The following GALNT14 variants were observed in gnomAD, a reference collection of about 807,000 sequenced individuals.
GALNT14 encodes the protein polypeptide N-acetylgalactosaminyltransferase 14.
GALNT14 carries 60 observed loss-of-function variants against 77.5 expected under a neutral mutation model. The observed-to-expected ratio is 0.77, with a 90% CI of 0.63 to 0.96. The LOEUF (loss-of-function observed/expected upper bound fraction) is 0.96. Ranked by LOEUF, GALNT14 falls within the 40% of genes least tolerant of loss-of-function variation. The pLI is 0.00. For synonymous variants in GALNT14, 280 were observed against 281.7 expected (o/e 0.99, Z 0.06); for missense variants, 710 against 731.0 (o/e 0.97, Z 0.33).
chr2:30,919,693 G>A (rs1664917657), intron 13 of GALNT14, among the ~76,000 whole-genome samples: 1 of 152,202 alleles, frequency 6.6e-6, no homozygotes, highest in Non-Finnish European at 1.5e-5. Flanking sequence ...GTCCTCTGAG[G>A]GTAGACTATA....
intron 1 of GALNT14, among the ~76,000 whole-genome samples, chr2:31,052,206 A>G (rs1673916080): frequency 6.6e-6 from 1 of 152,054 alleles, no homozygotes; most frequent in African/African-American, 2.4e-5. Flanking sequence ...CTCTAAGCTG[A>G]CCTAGGGGTC....
chr2:30,981,143 G>GC (rs1668965725), intron 2 of GALNT14, among the ~76,000 whole-genome samples: 1 of 152,200 alleles, frequency 6.6e-6, no homozygotes, highest in South Asian at 2.1e-4. Flanking sequence ...CCAGCACAGA[G>GC]CCTCCTTGAA....
chr2:31,124,885 A>G (rs776530037), intron 1 of GALNT14, among the ~76,000 whole-genome samples: 1 of 152,170 alleles, frequency 6.6e-6, no homozygotes, highest in Admixed American at 6.5e-5. Flanking sequence ...CTCCCCTGGA[A>G]GCCTCTTCTT....
intron 1 of GALNT14, among the ~76,000 whole-genome samples, chr2:31,039,958 A>G (rs1165396032): frequency 5.3e-5 from 8 of 152,218 alleles, no homozygotes; most frequent in Non-Finnish European, 1.0e-4. Flanking sequence ...TTCTAATAAG[A>G]GAGTCATGAA....
chr2:30,988,817 G>A (rs1418057766), intron 2 of GALNT14, among the ~76,000 whole-genome samples: 4 of 152,194 alleles, frequency 2.6e-5, no homozygotes, highest in Non-Finnish European at 5.9e-5. Context: ...GTAGTTCTGG[G>A]TGAAACCTAA....
rs1573211471 is a variant in GALNT14 at position 31,035,659 on chromosome 2, T to A, written c.130-42652A>T. ...CACACACACACACACACACACACAC[T>A]ATGGAATACTATGCAACCATAAAAA... On this transcript the variant is annotated intron_variant, in intron 1 of 14. Transcript: ENST00000349752. 5.2e-5 allele frequency among the ~76,000 whole-genome samples: 7 copies of A among 135,298 alleles called. No individual in the cohort carries two copies. The Admixed American group carries it at 5.2e-4, about 10-fold the overall frequency. 88.8% of individuals were successfully genotyped at this position (135,298 alleles called of 152,430 possible).
At chr2:31,009,542 C>T (rs1670890047) in intron 1 of GALNT14, among the ~76,000 whole-genome samples, 1 of 152,096 alleles carries the variant, frequency 6.6e-6, no homozygotes, top group African/African-American at 2.4e-5. Flanking sequence ...TGGAGGATTC[C>T]AATATAGTTT....
intron 1 of GALNT14, among the ~76,000 whole-genome samples, chr2:31,017,781 G>A (rs771218660): frequency 6.6e-6 from 1 of 152,236 alleles, no homozygotes; most frequent in Non-Finnish European, 1.5e-5. Context: ...GGCGCTTGAT[G>A]AAATTAAAAG....
chr2:31,111,009 T>A (rs1255416843), intron 1 of GALNT14, among the ~76,000 whole-genome samples: 2 of 152,130 alleles, frequency 1.3e-5, no homozygotes, highest in Non-Finnish European at 2.9e-5. Flanking sequence ...TAAGACAGAG[T>A]TAGACACACT....
the GALNT14 span, among the ~76,000 whole-genome samples, chr2:30,896,246 T>G: frequency 1.3e-5 from 2 of 152,358 alleles, no homozygotes; most frequent in African/African-American, 2.4e-5. Context: ...GTGAGTGATG[T>G]AGAACTACTC....
chr2:31,004,104 C>T (rs928031214), intron 1 of GALNT14, among the ~76,000 whole-genome samples: 3 of 152,230 alleles, frequency 2.0e-5, no homozygotes, highest in Non-Finnish European at 2.9e-5. Flanking sequence ...ACTGAGAGAG[C>T]TGGTCCTACC....
intron 1 of GALNT14, among the ~76,000 whole-genome samples, chr2:31,038,606 G>A (rs1007785051): frequency 1.3e-5 from 2 of 152,144 alleles, no homozygotes; most frequent in Non-Finnish European, 2.9e-5. Flanking sequence ...GCCCCCTCTA[G>A]TGGCTGCTAG....
intron 1 of GALNT14, among the ~76,000 whole-genome samples, chr2:31,103,092 AG>A (rs1486295492): frequency 2.6e-5 from 4 of 152,098 alleles, no homozygotes; most frequent in Admixed American, 6.6e-5. Flanking sequence ...CTTCTTAAAA[AG>A]TAAGTTAAAT....
chr2:31,054,633 T>C (rs1015977900), intron 1 of GALNT14, among the ~76,000 whole-genome samples: 1 of 152,166 alleles, frequency 6.6e-6, no homozygotes, highest in African/African-American at 2.4e-5. Flanking sequence ...TAGGGGCCCT[T>C]GAATGTCATA....
chr2:30,954,194 G>A (rs1656306850), intron 6 of GALNT14, among the ~76,000 whole-genome samples: 2 of 152,166 alleles, frequency 1.3e-5, no homozygotes, highest in African/African-American at 4.8e-5. Flanking sequence ...TGGAGCAGTG[G>A]GAATGTCATG....
At chr2:31,104,782 C>G (rs142380839) in intron 1 of GALNT14, among the ~76,000 whole-genome samples, 75 of 152,340 alleles carry the variant, frequency 4.9e-4, no homozygotes, top group African/African-American at 1.8e-3. Context: ...CTGTGTTCTT[C>G]TCAGCCCATC....
At chr2:31,052,438 T>G (rs572065176) in intron 1 of GALNT14, among the ~76,000 whole-genome samples, 2 of 152,266 alleles carry the variant, frequency 1.3e-5, no homozygotes, top group Admixed American at 6.5e-5. Flanking sequence ...AAGCTGGGCA[T>G]TTTCCAGGGC....
chr2:31,019,678 G>A (rs1671599098), intron 1 of GALNT14, among the ~76,000 whole-genome samples: 1 of 152,156 alleles, frequency 6.6e-6, no homozygotes, highest in Non-Finnish European at 1.5e-5. Context: ...TCCTGGGAGT[G>A]GCAGCTTGAG....
rs1465128336 is a variant in GALNT14, at chr2:31,137,912, T to C, written c.129+46A>G. ...AACCCGGCACGCGGGCTGCGCGCCC[T>C]CCCGCAAGCCACCGCTCAGCGCCAG... On this transcript the variant is annotated intron_variant, in intron 1 of 14. Transcript: ENST00000349752. 5.1e-6 allele frequency: 8 copies of C among 1,569,820 alleles called. No individual in the cohort carries two copies. In the South Asian group the frequency reaches 9.2e-5, roughly 18 times the overall value.
Sources: gnomAD v4.1 joint callset for allele counts (sites outside exome capture counted in the v4.1 genomes callset) on GRCh38, gnomAD v4.1.1 for gene constraint, MANE v1.5 for transcripts, NCBI Gene and HGNC (gene_info 2026-07-23, HGNC 2026-07-21) for gene names.